Variants in SS18L1 observed in about 807,000 individuals in gnomAD.
The protein encoded by SS18L1 is SS18L1 subunit of BAF chromatin remodeling complex, also known as calcium-responsive transactivator.
A neutral mutation model predicts 70.3 loss-of-function variants in SS18L1; 32 were observed. The ratio of observed to expected loss-of-function variants is 0.46; its 90% CI spans 0.34 to 0.61. The LOEUF (loss-of-function observed/expected upper bound fraction) is 0.61. Among genes scored for constraint, SS18L1 ranks in the 20% least tolerant of loss-of-function variants. The pLI is 0.01. For synonymous variants in SS18L1, 237 were observed against 229.7 expected (o/e 1.03, Z -0.29); for missense variants, 430 against 542.1 (o/e 0.79, Z 2.05).
At chr20:62,166,208 C>T (rs764902983) in intron 8 of SS18L1, among the ~76,000 whole-genome samples, 2 of 152,246 alleles carry the variant, frequency 1.3e-5, no homozygotes, top group South Asian at 2.1e-4. Flanking sequence ...AGCTGATGAT[C>T]GCCTGCGGGA....
chr20:62,150,625 T>G, intron 1 of SS18L1, among the ~76,000 whole-genome samples: 2 of 136,094 alleles, frequency 1.5e-5, no homozygotes, highest in South Asian at 2.4e-4. Context: ...TAAGAAACAT[T>G]GAGGTGGATT....
At chr20:62,162,606 T>A (rs2057349598) in intron 4 of SS18L1, 146 bp from the exon 5 acceptor site, 3 of 836,718 alleles carry the variant, frequency 3.6e-6, no homozygotes, top group Non-Finnish European at 5.3e-6. Flanking sequence ...TCCCGGCCAC[T>A]TATTTATTAG....
In SS18L1 at chr20:62,167,037, TG is replaced by T. The variant is rs1568757615; in HGVS notation, c.916+1524del. Among the ~76,000 whole-genome samples the T allele has an allele frequency of 7.0e-5, 9 of 127,834 alleles. No individual in the cohort carries two copies. The East Asian group carries it at 1.5e-3, about 21-fold the overall frequency. 83.9% of individuals were successfully genotyped at this position (127,834 alleles called of 152,430 possible). On this transcript the variant is annotated intron_variant, in intron 8 of 10. Transcript: ENST00000331758. Reference sequence around the variant, plus strand: ...GGAGGATTGCTTGAGCTCAGGAGTTTGTTTGTTTTTTTTTTTTTTTTTTTTT... The same window carrying T: ...GGAGGATTGCTTGAGCTCAGGAGTTTTTTGTTTTTTTTTTTTTTTTTTTTT...
At chr20:62,155,238 C>G (rs2057201926) in intron 1 of SS18L1, among the ~76,000 whole-genome samples, 2 of 151,822 alleles carry the variant, frequency 1.3e-5, no homozygotes, top group Non-Finnish European at 2.9e-5. Context: ...CTGTCTCTAC[C>G]AACAACAACA....
At chr20:62,150,186 C>T (rs1004847543) in intron 1 of SS18L1, among the ~76,000 whole-genome samples, 4 of 152,270 alleles carry the variant, frequency 2.6e-5, no homozygotes, top group Non-Finnish European at 5.9e-5. Context: ...GAAACCTACA[C>T]ACCGACTTCA....
At chr20:62,176,514 TAAAAA>T in intron 10 of SS18L1, among the ~76,000 whole-genome samples, 1 of 150,172 alleles carries the variant, frequency 6.7e-6, no homozygotes, top group East Asian at 2.0e-4. Flanking sequence ...GACTTTGTCT[TAAAAA>T]AAGGAAAAAG....
intron 10 of SS18L1, chr20:62,175,135 A>G: frequency 1.2e-6 from 1 of 813,700 alleles, no homozygotes; most frequent in Non-Finnish European, 1.5e-6. Flanking sequence ...TCCAGGACGA[A>G]GACACAGCGG....
rs1296516435 is a variant in SS18L1 at position 62,179,529 on chromosome 20, C to A, written c.*321C>A. On this transcript the variant is annotated 3_prime_UTR_variant, in exon 11 of 11. Transcript: ENST00000331758. The stretch of plus-strand genomic sequence containing the variant: ...GGGGTCATTTTGTCATCAGAGCATT[C>A]TGTGCCCAGGGACAGGACAGATCTC... 8.7e-6 allele frequency: 4 copies of A among 461,172 alleles called. No homozygotes were observed. Among genetic ancestry groups the A allele is most frequent in the African/African-American group, 7.8e-5 (4 of 51,580 alleles). 28.6% of individuals were successfully genotyped at this position (461,172 alleles called of 1,614,324 possible).
chr20:62,160,791 A>G (rs1213675243), intron 3 of SS18L1, among the ~76,000 whole-genome samples: 2 of 152,040 alleles, frequency 1.3e-5, no homozygotes, highest in Non-Finnish European at 2.9e-5. Context: ...GTCAAATTGC[A>G]CTTCTTCACC....
At chr20:62,150,921 C>T (rs915642705) in intron 1 of SS18L1, among the ~76,000 whole-genome samples, 1 of 151,992 alleles carries the variant, frequency 6.6e-6, no homozygotes, top group Non-Finnish European at 1.5e-5. Flanking sequence ...CAGAGCTGGC[C>T]TCTGGGGAAG....
intron 8 of SS18L1, among the ~76,000 whole-genome samples, chr20:62,171,000 C>T (rs931333651): frequency 6.6e-6 from 1 of 151,894 alleles, no homozygotes; most frequent in Non-Finnish European, 1.5e-5. Context: ...CTCCTGGGTT[C>T]ACACCATTCT....
At chr20:62,144,370 G>C (rs2145676799) in intron 1 of SS18L1, among the ~76,000 whole-genome samples, 1 of 152,338 alleles carries the variant, frequency 6.6e-6, no homozygotes, top group East Asian at 1.9e-4. Context: ...AGTGGTGAGG[G>C]GCCCGGGTCG....
rs1212955557 is a variant in SS18L1 at position 62,161,527 on chromosome 20, C to A, written c.323C>A (p.Ala108Asp). The A allele has an allele frequency of 1.9e-6, 3 of 1,612,690 alleles. No homozygotes were observed. In the Admixed American group the frequency reaches 5.0e-5, roughly 27 times the overall value. ...GLHSQGSLSD[A>D]ISTGLPPSSL... Reference sequence around the variant, plus strand: ...CACTCTCAGGGCAGCCTGAGTGACGCCATCAGCACGGGCCTGCCACCCTCC... The same window carrying A: ...CACTCTCAGGGCAGCCTGAGTGACGACATCAGCACGGGCCTGCCACCCTCC... Residue 108 changes from alanine (A) to aspartate (D), a missense_variant, in exon 4 of 11, where the codon GCC becomes GAC. Coordinates refer to ENST00000331758, the MANE Select transcript of SS18L1 (RefSeq NM_198935.3). The surrounding 1 kb of genome is among the most constrained non-coding windows in gnomAD (Gnocchi z 4.4).
At chr20:62,157,044 CCT>C (rs1448273096) in intron 1 of SS18L1, among the ~76,000 whole-genome samples, 3 of 150,340 alleles carry the variant, frequency 2.0e-5, no homozygotes, top group Middle Eastern at 6.8e-3. Flanking sequence ...TCCCATACCC[CCT>C]CTCTCCTCTC....
intron 1 of SS18L1, among the ~76,000 whole-genome samples, chr20:62,148,038 G>A (rs2057062525): frequency 1.3e-5 from 2 of 152,196 alleles, no homozygotes; most frequent in African/African-American, 4.8e-5. Flanking sequence ...AATGGCTTGG[G>A]GATGCCGAGC....
chr20:62,174,714 T>C lies in SS18L1; in HGVS notation c.1164+70T>C, dbSNP rs2057591023. On this transcript the variant is annotated intron_variant, in intron 10 of 10. Transcript: ENST00000331758. The surrounding 1 kb of genome is among the most constrained non-coding windows in gnomAD (Gnocchi z 4.1). ...GTCGAGACATAATGAAGATTTCTCT[T>C]ATGGCCATGAGGAATAATGAGCTGG... The C allele has an allele frequency of 3.7e-6, 6 of 1,611,710 alleles. No homozygotes were observed.
At chr20:62,163,014 C>A in intron 5 of SS18L1, 83 bp downstream of exon 5, 1 of 1,522,438 alleles carries the variant, frequency 6.6e-7, no homozygotes, top group Non-Finnish European at 8.9e-7. Context: ...CATGTGGTCC[C>A]GGGGAAGCTG....
intron 6 of SS18L1, among the ~76,000 whole-genome samples, chr20:62,163,887 C>A (rs534348969): frequency 1.3e-5 from 2 of 152,292 alleles, no homozygotes; most frequent in South Asian, 4.1e-4. Flanking sequence ...AGGCCGGGCT[C>A]ATGCCTGTAG....
intron 1 of SS18L1, 103 bp downstream of exon 1, chr20:62,143,992 G>A: frequency 1.3e-6 from 1 of 760,634 alleles, no homozygotes; most frequent in Non-Finnish European, 1.6e-6. Context: ...GAACAAAGCC[G>A]GGGCGCAGCC....
Sources: allele counts gnomAD v4.1 joint callset (sites outside exome capture counted in the v4.1 genomes callset), GRCh38; gene constraint gnomAD v4.1.1; non-coding constraint Gnocchi (gnomAD v3.1); transcripts MANE v1.5; gene names NCBI Gene and HGNC (gene_info 2026-07-23, HGNC 2026-07-21).